The following GRID2 variants were observed in gnomAD, a reference collection of about 807,000 sequenced individuals.
GRID2 encodes glutamate receptor ionotropic, delta-2.
In GRID2, 33 loss-of-function variants were observed where a neutral mutation model predicts 114.8. That is an observed-to-expected ratio of 0.29 (90% CI 0.22 to 0.38). GRID2 has a LOEUF of 0.38. Among genes scored for constraint, GRID2 ranks in the 10% least tolerant of loss-of-function variants. The pLI is 1.00. For missense variants in GRID2, 1,184 were observed against 1,257.7 expected, an observed-to-expected ratio of 0.94 and a Z score of 0.89; for synonymous variants, 505 against 449.9, an observed-to-expected ratio of 1.12 and a Z score of -1.55.
intron 2 of GRID2, among the ~76,000 whole-genome samples, chr4:92,865,697 G>A (rs889954093): frequency 2.6e-5 from 4 of 152,128 alleles, no homozygotes; most frequent in South Asian, 2.1e-4. Context: ...ATAAGATCCC[G>A]TGTGTTTTTC....
In GRID2 at chr4:93,163,342, G is replaced by A. The variant is rs186188067; in HGVS notation, c.736-44062G>A. Among the ~76,000 whole-genome samples the A allele has an allele frequency of 4.0e-3, 414 of 102,256 alleles. 7 individuals carry two copies. The highest frequency in any genetic ancestry group is 0.018 in the African/African-American group (401 of 22,878). 67.1% of individuals were successfully genotyped at this position (102,256 alleles called of 152,430 possible). On this transcript the variant is annotated intron_variant, in intron 4 of 15. Coordinates refer to ENST00000282020, the MANE Select transcript of GRID2 (RefSeq NM_001510.4). Reference sequence around the variant, plus strand: ...ATAAATGCCTTTATTTTCCACTTCTGATTTTTTTTTTGTGTATATATATAT... The same window carrying A: ...ATAAATGCCTTTATTTTCCACTTCTAATTTTTTTTTTGTGTATATATATAT...
chr4:93,726,412 G>A (rs1729897747), intron 14 of GRID2, among the ~76,000 whole-genome samples: 1 of 152,198 alleles, frequency 6.6e-6, no homozygotes, highest in Non-Finnish European at 1.5e-5. Context: ...TTGAAGTCAG[G>A]TAGCATGATG....
intron 8 of GRID2, among the ~76,000 whole-genome samples, chr4:93,279,586 G>A (rs950208850): frequency 3.3e-5 from 5 of 151,598 alleles, no homozygotes; most frequent in African/African-American, 4.8e-5. Context: ...ATTATGAGTC[G>A]AGAAACTACC....
Position 92,631,188 on chromosome 4 carries a change from A to G in GRID2, c.244+40902A>G, listed in dbSNP as rs969102545. 9.9e-5 allele frequency among the ~76,000 whole-genome samples: 15 copies of G among 152,244 alleles called. 1 individual carries two copies. In the East Asian group the frequency reaches 1.9e-3, roughly 20 times the overall value. The stretch of plus-strand genomic sequence containing the variant: ...AATCATGCTTTAGATAACAATATGT[A>G]TCTTCCAAAAACTATAGAACTCAGA... On this transcript the variant is annotated intron_variant, in intron 2 of 15. Coordinates refer to ENST00000282020, the MANE Select transcript of GRID2 (RefSeq NM_001510.4).
At position 92,667,223 on chromosome 4, in the gene GRID2, G is replaced by A. The variant is rs72883928; in HGVS notation, c.244+76937G>A. On this transcript the variant is annotated intron_variant, in intron 2 of 15. Transcript: ENST00000282020. ...ATTTTTGCTTGTGTAATTATTGTCTGAGTGAGAAAACTTATTATTGGTGCT... is the reference window on the plus strand; with the variant it reads ...ATTTTTGCTTGTGTAATTATTGTCTAAGTGAGAAAACTTATTATTGGTGCT... 7.6e-3 allele frequency among the ~76,000 whole-genome samples: 1,157 copies of A among 151,714 alleles called. 16 individuals are homozygous for A. The highest frequency in any genetic ancestry group is 0.026 in the African/African-American group (1,090 of 41,470).
intron 12 of GRID2, among the ~76,000 whole-genome samples, chr4:93,491,701 T>G (rs1727026484): frequency 1.3e-5 from 2 of 151,922 alleles, no homozygotes; most frequent in Admixed American, 6.6e-5. Flanking sequence ...AGGGAATTCC[T>G]TAGGAATGTA....
chr4:93,735,166 G>A (rs1730815700), intron 14 of GRID2, among the ~76,000 whole-genome samples: 1 of 151,836 alleles, frequency 6.6e-6, no homozygotes, highest in Non-Finnish European at 1.5e-5. Context: ...AAGTAAAAAA[G>A]ACCAAAGGGA....
chr4:93,043,254 G>T (rs1725778215), intron 2 of GRID2, among the ~76,000 whole-genome samples: 1 of 152,154 alleles, frequency 6.6e-6, no homozygotes, highest in Admixed American at 6.6e-5. Context: ...AAAGCCCAGA[G>T]TTAAGTGATT....
At chr4:93,323,635 G>C (rs1247314773) in intron 8 of GRID2, among the ~76,000 whole-genome samples, 1 of 152,032 alleles carries the variant, frequency 6.6e-6, no homozygotes, top group Non-Finnish European at 1.5e-5. Flanking sequence ...AATTTCCTTG[G>C]GCACTATGGC....
intron 14 of GRID2, among the ~76,000 whole-genome samples, chr4:93,727,932 A>C (rs1372391892): frequency 6.6e-6 from 1 of 151,996 alleles, no homozygotes; most frequent in Non-Finnish European, 1.5e-5. Flanking sequence ...CTTTCAAAAA[A>C]CCAGCTTCTG....
intron 5 of GRID2, among the ~76,000 whole-genome samples, chr4:93,211,358 TC>T (rs1205887511): frequency 6.6e-6 from 1 of 152,140 alleles, no homozygotes; most frequent in Non-Finnish European, 1.5e-5. Flanking sequence ...ATTGTATTTT[TC>T]ATAAGCATTA....
At chr4:93,325,535 A>G (rs953633891) in intron 8 of GRID2, among the ~76,000 whole-genome samples, 4 of 151,840 alleles carry the variant, frequency 2.6e-5, no homozygotes, top group African/African-American at 7.2e-5. Context: ...ATTTTACAAT[A>G]TAGATTATTA....
chr4:93,549,165 C>A (rs1444525080), intron 13 of GRID2, among the ~76,000 whole-genome samples: 2 of 152,092 alleles, frequency 1.3e-5, no homozygotes, highest in African/African-American at 4.8e-5. Context: ...AATAACTGAG[C>A]TATCATTTCA....
Position 93,772,342 on chromosome 4 carries a change from C to T in GRID2, c.2868C>T (p.Asn956=), listed in dbSNP as rs775585013. Residue 956 remains asparagine (N), a synonymous_variant, in exon 16 of 16, where the codon AAC becomes AAT. Transcript: ENST00000282020. ...AKAASGFTFG[N]VPEHRTGPFR... ...CTGCTTCTGGTTTCACTTTTGGCAA[C>T]GTGCCTGAGCACCGAACTGGCCCTT... The T allele has an allele frequency of 8.7e-6, 14 of 1,613,980 alleles. No homozygotes were observed. Among genetic ancestry groups the T allele is most frequent in the African/African-American group, 8.0e-5 (6 of 74,902 alleles).
intron 14 of GRID2, among the ~76,000 whole-genome samples, chr4:93,656,236 T>A (rs1316705730): frequency 6.6e-6 from 1 of 152,048 alleles, no homozygotes; most frequent in East Asian, 1.9e-4. Context: ...TTCTATTTAA[T>A]GTATTAGAAC....
At chr4:93,109,521 C>T (rs751179002) in intron 3 of GRID2, among the ~76,000 whole-genome samples, 9 of 151,996 alleles carry the variant, frequency 5.9e-5, no homozygotes, top group Non-Finnish European at 1.0e-4. Flanking sequence ...TTACTTACTG[C>T]TTTTTCTGGT....
chr4:92,640,817 TATAAA>T (rs1156464161), intron 2 of GRID2, among the ~76,000 whole-genome samples: 2 of 151,676 alleles, frequency 1.3e-5, no homozygotes, highest in Non-Finnish European at 2.9e-5. Flanking sequence ...GTAATTCTCA[TATAAA>T]ATAAAAAAAA....
chr4:92,605,198 A>G (rs1729397406), intron 2 of GRID2, among the ~76,000 whole-genome samples: 1 of 152,128 alleles, frequency 6.6e-6, no homozygotes, highest in Non-Finnish European at 1.5e-5. Flanking sequence ...AAAATGGACT[A>G]ATACACCAGT....
chr4:93,527,028 C>T (rs1006000993), intron 13 of GRID2, among the ~76,000 whole-genome samples: 5 of 152,056 alleles, frequency 3.3e-5, no homozygotes, highest in African/African-American at 4.8e-5. Context: ...AAGTTTCATT[C>T]GCTTTCTGTG....
Sources: gnomAD v4.1 joint callset for allele counts (sites outside exome capture counted in the v4.1 genomes callset) on GRCh38, gnomAD v4.1.1 for gene constraint, MANE v1.5 for transcripts, NCBI Gene and HGNC (gene_info 2026-07-23, HGNC 2026-07-21) for gene names.